The following SCN11A variants were observed in gnomAD, a reference collection of about 807,000 sequenced individuals.
The protein encoded by SCN11A is sodium channel protein type 11 subunit alpha.
SCN11A carries 122 observed loss-of-function variants against 162.2 expected under a neutral mutation model. The ratio of observed to expected loss-of-function variants is 0.75; its 90% CI spans 0.65 to 0.87. The LOEUF is 0.87. SCN11A is among the 40% of genes least tolerant of loss of function. The probability of loss-of-function intolerance (pLI) is 0.00; values close to 1 mark genes in which losing one functional copy is unlikely to be tolerated. For synonymous variants in SCN11A, 758 were observed against 751.5 expected (o/e 1.01, Z -0.14); for missense variants, 2,015 against 2,181.6 (o/e 0.92, Z 1.52).
chr3:38,851,801 G>C (rs1575206535), intron 28 of SCN11A, among the ~76,000 whole-genome samples: 1 of 152,212 alleles, frequency 6.6e-6, no homozygotes, highest in African/African-American at 2.4e-5. Flanking sequence ...CAAAGATGAT[G>C]TTGGCTTGTG....
intron 3 of SCN11A, among the ~76,000 whole-genome samples, 149 bp from the exon 4 acceptor site, chr3:38,953,908 C>A (rs1356067128): frequency 6.6e-6 from 1 of 152,152 alleles, no homozygotes; most frequent in Non-Finnish European, 1.5e-5. Flanking sequence ...AAGAGGCATC[C>A]CAATTCATTA....
chr3:38,998,225 T>A (rs1410580697), intron 2 of SCN11A, among the ~76,000 whole-genome samples: 3 of 152,230 alleles, frequency 2.0e-5, no homozygotes, highest in Non-Finnish European at 4.4e-5. Context: ...TCTCTGCAGC[T>A]GAATTTCTCA....
intron 5 of SCN11A, 35 bp downstream of exon 5, chr3:38,950,061 C>CA: frequency 2.4e-5 from 2 of 83,060 alleles, no homozygotes; most frequent in East Asian, 4.5e-4. Context: ...TAGAACACCC[C>CA]CACCCCCACC....
chr3:38,993,060 T>C (rs998285883), intron 2 of SCN11A, among the ~76,000 whole-genome samples: 3 of 152,116 alleles, frequency 2.0e-5, no homozygotes, highest in Non-Finnish European at 2.9e-5. Flanking sequence ...CCCTAATGGG[T>C]TGCAATAAGA....
At position 38,870,609 on chromosome 3, in the gene SCN11A, C is replaced by T. The variant is rs962489955; in HGVS notation, c.3813+82G>A. The T allele has an allele frequency of 5.7e-5, 66 of 1,166,396 alleles. No homozygotes were observed. In the Middle Eastern group the frequency reaches 1.2e-3, roughly 21 times the overall value. The allele number at this position is 1,166,396 out of a possible 1,614,324, so 72.3% of individuals were successfully genotyped here. On this transcript the variant is annotated intron_variant, in intron 26 of 29. Transcript: ENST00000302328. Reference sequence around the variant, plus strand: ...AGAACCCCAGCTGCTGGAACTATGACGCCAGTTCTGGACTGTCCATGTAGT... The same window carrying T: ...AGAACCCCAGCTGCTGGAACTATGATGCCAGTTCTGGACTGTCCATGTAGT...
chr3:38,938,279 T>A (rs2066369760), intron 7 of SCN11A, among the ~76,000 whole-genome samples: 2 of 151,560 alleles, frequency 1.3e-5, no homozygotes, highest in African/African-American at 4.8e-5. Flanking sequence ...TACCTAATGC[T>A]AATTGACGAG....
chr3:38,917,037 A>G lies in SCN11A; in HGVS notation c.959+2898T>C, dbSNP rs142672952. ...ACTGAGAGAGATGTGCTGGCACATA[A>G]ACTTAGAGACAAGAGCCCTATAAAG... is the stretch of plus-strand genomic sequence containing the variant. On this transcript the variant is annotated intron_variant, in intron 11 of 29. Coordinates refer to ENST00000302328, the MANE Select transcript of SCN11A (RefSeq NM_001349253.2). 2.7e-3 allele frequency among the ~76,000 whole-genome samples: 416 copies of G among 152,334 alleles called. 2 individuals are homozygous for G. The highest frequency in any genetic ancestry group is 4.9e-3 in the Non-Finnish European group (332 of 68,036).
intron 2 of SCN11A, among the ~76,000 whole-genome samples, chr3:39,001,195 A>C (rs901410848): frequency 2.0e-5 from 3 of 152,180 alleles, no homozygotes; most frequent in African/African-American, 7.2e-5. Flanking sequence ...TATATTCACA[A>C]TATTGTGCAA....
intron 11 of SCN11A, among the ~76,000 whole-genome samples, chr3:38,914,536 T>G (rs182187420): frequency 6.6e-6 from 1 of 152,150 alleles, no homozygotes; most frequent in East Asian, 1.9e-4. Context: ...TGAATAGGAG[T>G]GGTGAGAGAG....
At chr3:38,876,991 T>C (rs1458537847) in intron 23 of SCN11A, among the ~76,000 whole-genome samples, 1 of 149,984 alleles carries the variant, frequency 6.7e-6, no homozygotes, top group African/African-American at 2.5e-5. Context: ...AAATGTGATA[T>C]ATATATAGAG....
intron 1 of SCN11A, among the ~76,000 whole-genome samples, chr3:39,046,299 G>GAGGA (rs1418086159): frequency 3.9e-5 from 5 of 129,162 alleles, no homozygotes; most frequent in African/African-American, 1.4e-4. Context: ...GGAAGGGAGG[G>GAGGA]AGGAAGGGAG....
chr3:38,938,540 ATATATATATATTTTTTTTTTTTTTTTT>A (rs1442684439), intron 7 of SCN11A, among the ~76,000 whole-genome samples: 4 of 24,162 alleles, frequency 1.7e-4, no homozygotes, highest in African/African-American at 6.1e-4. Context: ...ATATATATAT[ATATATATATATTTTTTTTTTTTTTTTT>A]TTTTTTTTTT....
At chr3:38,880,517 T>C (rs933556036) in intron 22 of SCN11A, among the ~76,000 whole-genome samples, 2 of 152,162 alleles carry the variant, frequency 1.3e-5, no homozygotes, top group Non-Finnish European at 2.9e-5. Flanking sequence ...CCAATTGCCT[T>C]GGTGGATTAA....
rs986941140 is a variant in SCN11A, at chr3:38,944,333, A to T, written c.488+1078T>A. On this transcript the variant is annotated intron_variant, in intron 7 of 29. Coordinates refer to ENST00000302328, the MANE Select transcript of SCN11A (RefSeq NM_001349253.2). ...ATGTACCTTTTTATCTAGAAAATCC[A>T]TTTTTTTTTTTTTGAGACAGAGTCT... 8.2e-4 allele frequency among the ~76,000 whole-genome samples: 118 copies of T among 143,104 alleles called. 2 individuals are homozygous for T. The highest frequency in any genetic ancestry group is 3.0e-3 in the African/African-American group (116 of 39,206). The allele number at this position is 143,104 out of a possible 152,430, so 93.9% of individuals were successfully genotyped here. A position where few individuals can be genotyped will look rare whatever the true frequency, so the allele number is the denominator to read the frequency against.
chr3:38,861,020 T>C (rs1279369268), intron 28 of SCN11A, among the ~76,000 whole-genome samples: 1 of 152,088 alleles, frequency 6.6e-6, no homozygotes, highest in African/African-American at 2.4e-5. Context: ...AGCTCCTAGA[T>C]CTGATAAATA....
At chr3:38,980,054 C>G (rs532259915) in intron 2 of SCN11A, among the ~76,000 whole-genome samples, 19 of 152,152 alleles carry the variant, frequency 1.2e-4, no homozygotes, top group Admixed American at 1.2e-3. Flanking sequence ...CAGCACCAGG[C>G]CCAGGGGACC....
intron 2 of SCN11A, among the ~76,000 whole-genome samples, chr3:39,013,435 C>CT (rs756712849): frequency 0.048 from 6,812 of 143,286 alleles, 469 homozygotes; most frequent in African/African-American, 0.15. Flanking sequence ...TGGCTTCTGC[C>CT]TTTTTTTTTT....
intron 22 of SCN11A, 82 bp downstream of exon 22, chr3:38,883,151 A>G: frequency 8.0e-7 from 1 of 1,249,678 alleles, no homozygotes; most frequent in Non-Finnish European, 1.1e-6. Context: ...CCATATTCAC[A>G]GTCCCACGAG....
intron 23 of SCN11A, among the ~76,000 whole-genome samples, 155 bp downstream of exon 23, chr3:38,879,795 A>G (rs2065277972): frequency 6.6e-6 from 1 of 152,212 alleles, no homozygotes; most frequent in Non-Finnish European, 1.5e-5. Flanking sequence ...CAGACAAATG[A>G]CAACTACTTA....
Sources: gnomAD v4.1 joint callset for allele counts (sites outside exome capture counted in the v4.1 genomes callset) on GRCh38, gnomAD v4.1.1 for gene constraint, MANE v1.5 for transcripts, NCBI Gene and HGNC (gene_info 2026-07-23, HGNC 2026-07-21) for gene names.